The following DLGAP1 variants were observed in gnomAD, a reference collection of about 807,000 sequenced individuals.
DLGAP1 encodes the protein DLG associated protein 1.
DLGAP1 carries 11 observed loss-of-function variants against 90.8 expected under a neutral mutation model. The observed-to-expected ratio is 0.12, with a 90% CI of 0.08 to 0.20. The LOEUF (loss-of-function observed/expected upper bound fraction) is 0.20, where lower values mean the gene tolerates loss of function less well. DLGAP1 is among the 10% of genes least tolerant of loss of function. DLGAP1 has a pLI of 1.00. For missense variants in DLGAP1, 1,050 were observed against 1,333.8 expected, an observed-to-expected ratio of 0.79 and a Z score of 3.31; for synonymous variants, 558 against 540.7, an observed-to-expected ratio of 1.03 and a Z score of -0.44.
At chr18:3,762,365 T>C (rs1387209989) in intron 5 of DLGAP1, among the ~76,000 whole-genome samples, 2 of 152,194 alleles carry the variant, frequency 1.3e-5, no homozygotes, top group Admixed American at 1.3e-4. Context: ...CAGCCCACAA[T>C]AGTAATTCTT....
intron 7 of DLGAP1, among the ~76,000 whole-genome samples, chr18:3,590,965 A>C (rs1319627423): frequency 6.6e-6 from 1 of 152,210 alleles, no homozygotes; most frequent in East Asian, 1.9e-4. Flanking sequence ...TAAAAACAAA[A>C]CAAAACAAAA....
At chr18:3,852,322 G>C (rs931359060) in intron 4 of DLGAP1, among the ~76,000 whole-genome samples, 1 of 152,126 alleles carries the variant, frequency 6.6e-6, no homozygotes, top group Non-Finnish European at 1.5e-5. Context: ...AGAAAATGAA[G>C]TTGACATCAG....
At chr18:4,440,729 T>C (rs1567925344) in intron 1 of DLGAP1, among the ~76,000 whole-genome samples, 1 of 152,232 alleles carries the variant, frequency 6.6e-6, no homozygotes, top group Non-Finnish European at 1.5e-5. Flanking sequence ...CAATCAGTTT[T>C]ACATGTGTCT....
At chr18:3,531,651 T>C (rs1322547477) in intron 10 of DLGAP1, among the ~76,000 whole-genome samples, 1 of 151,478 alleles carries the variant, frequency 6.6e-6, no homozygotes, top group African/African-American at 2.4e-5. Flanking sequence ...CCCGACTAAT[T>C]TTTGTATTTT....
intron 7 of DLGAP1, among the ~76,000 whole-genome samples, chr18:3,658,553 A>G (rs919001089): frequency 1.3e-5 from 2 of 152,360 alleles, no homozygotes; most frequent in East Asian, 3.9e-4. Context: ...AAAACCTGTG[A>G]AGCCTTTCAT....
At chr18:3,746,861 A>G (rs1322288385) in intron 5 of DLGAP1, among the ~76,000 whole-genome samples, 1 of 152,192 alleles carries the variant, frequency 6.6e-6, no homozygotes, top group Non-Finnish European at 1.5e-5. Context: ...TCTTAGTAGC[A>G]TTGTGTACGA....
chr18:4,277,194 G>C (rs560105975), intron 1 of DLGAP1, among the ~76,000 whole-genome samples: 2 of 152,330 alleles, frequency 1.3e-5, no homozygotes, highest in South Asian at 4.1e-4. Context: ...TCCAACTGAG[G>C]ACTGTGTGCA....
At chr18:4,175,248 C>T (rs182609715) in intron 1 of DLGAP1, among the ~76,000 whole-genome samples, 176 of 152,164 alleles carry the variant, frequency 1.2e-3, no homozygotes, top group Middle Eastern at 0.01. Flanking sequence ...ATATCCTTTG[C>T]CCCCTTTTTG....
At chr18:4,339,895 A>G (rs1427289340) in intron 1 of DLGAP1, among the ~76,000 whole-genome samples, 2 of 152,216 alleles carry the variant, frequency 1.3e-5, no homozygotes, top group African/African-American at 2.4e-5. Flanking sequence ...AGTCTACTGA[A>G]GATGTTTAAG....
intron 7 of DLGAP1, among the ~76,000 whole-genome samples, chr18:3,644,485 A>C (rs898330780): frequency 1.3e-5 from 2 of 151,938 alleles, no homozygotes; most frequent in Admixed American, 6.6e-5. Context: ...ATCTTGGCTC[A>C]CTGCAACCTC....
At chr18:3,616,479 G>A (rs2057872735) in intron 7 of DLGAP1, among the ~76,000 whole-genome samples, 1 of 152,128 alleles carries the variant, frequency 6.6e-6, no homozygotes, top group African/African-American at 2.4e-5. Flanking sequence ...GCCAGGTGCA[G>A]TGGCTCACAC....
chr18:4,211,319 C>T (rs1007902492), intron 1 of DLGAP1, among the ~76,000 whole-genome samples: 2 of 152,092 alleles, frequency 1.3e-5, no homozygotes, highest in Non-Finnish European at 1.5e-5. Context: ...TTCATAACGC[C>T]TAAGTACAGA....
chr18:4,049,640 C>T (rs2075104096), intron 2 of DLGAP1, among the ~76,000 whole-genome samples: 1 of 152,220 alleles, frequency 6.6e-6, no homozygotes, highest in African/African-American at 2.4e-5. Flanking sequence ...GGCCATCTGC[C>T]TTAGTCCTTG....
At position 4,336,804 on chromosome 18, in the gene DLGAP1, A is replaced by G. The variant is rs374788118; in HGVS notation, c.-267+118202T>C. On this transcript the variant is annotated intron_variant, in intron 1 of 12. Transcript: ENST00000315677. ...GCTTATAGAATTGAGTCTCTCTCCT[A>G]TTAGAGTGTAAACTCCTTGAGGATA... Among the ~76,000 whole-genome samples the G allele has an allele frequency of 9.2e-5, 14 of 152,244 alleles. No homozygotes were observed. In the East Asian group the frequency reaches 1.7e-3, roughly 19 times the overall value.
intron 1 of DLGAP1, among the ~76,000 whole-genome samples, chr18:4,360,340 A>G (rs1298751070): frequency 1.3e-5 from 2 of 152,222 alleles, no homozygotes; most frequent in Admixed American, 6.5e-5. Context: ...AAAAAGGACA[A>G]AAGTGAGACA....
intron 1 of DLGAP1, among the ~76,000 whole-genome samples, chr18:4,371,295 C>T (rs144485535): frequency 8.3e-4 from 127 of 152,314 alleles, no homozygotes; most frequent in Non-Finnish European, 1.4e-3. Context: ...TGGCTTAGTA[C>T]AGGGCTGAGA....
chr18:3,585,925 T>C (rs1005258910), intron 7 of DLGAP1, among the ~76,000 whole-genome samples: 21 of 152,178 alleles, frequency 1.4e-4, no homozygotes, highest in African/African-American at 4.8e-4. Context: ...CTAGTTCACA[T>C]TGTTTCCAAC....
At chr18:3,569,413 A>C (rs1250858026) in intron 8 of DLGAP1, among the ~76,000 whole-genome samples, 1 of 151,900 alleles carries the variant, frequency 6.6e-6, no homozygotes, top group Non-Finnish European at 1.5e-5. Context: ...GGATCTCTTT[A>C]TATTTTATGA....
At chr18:4,317,902 C>T (rs926715075) in intron 1 of DLGAP1, among the ~76,000 whole-genome samples, 3 of 152,212 alleles carry the variant, frequency 2.0e-5, no homozygotes, top group African/African-American at 7.2e-5. Flanking sequence ...AATGTGAGTG[C>T]AGTGGTGTGA....
Sources: allele counts gnomAD v4.1 joint callset (sites outside exome capture counted in the v4.1 genomes callset), GRCh38; gene constraint gnomAD v4.1.1; transcripts MANE v1.5; gene names NCBI Gene and HGNC (gene_info 2026-07-23, HGNC 2026-07-21).